Variants in SV2A observed in about 807,000 individuals in gnomAD.
The protein encoded by SV2A is solute carrier family 22 member B1.
A neutral mutation model predicts 78.0 loss-of-function variants in SV2A; 25 were observed. The ratio of observed to expected loss-of-function variants is 0.32; its 90% CI spans 0.23 to 0.45. SV2A has a LOEUF of 0.45. Ranked by LOEUF, SV2A falls within the 20% of genes least tolerant of loss-of-function variation. The pLI is 1.00. For missense variants in SV2A, 752 were observed against 971.5 expected, an observed-to-expected ratio of 0.77 and a Z score of 3.00; for synonymous variants, 355 against 384.7, an observed-to-expected ratio of 0.92 and a Z score of 0.90.
rs1553763652 is a variant in SV2A at position 149,910,911 on chromosome 1, C to T, written c.870G>A (p.Gly290=). ...ACATGCAGAGCCAGCTCAAATGCTCCCCTCGTTTCTCCTGGGCCAGAAACT... is the reference window on the plus strand; with the variant it reads ...ACATGCAGAGCCAGCTCAAATGCTCTCCTCGTTTCTCCTGGGCCAGAAACT... ...FSEFLAQEKR[G]EHLSWLCMFW... The change falls in exon 4 of 13, where the codon GGG becomes GGA. Residue 290 remains glycine, a synonymous_variant. Transcript: ENST00000369146. The surrounding 1 kb of genome is among the most constrained non-coding windows in gnomAD (Gnocchi z 4.2). The T allele has an allele frequency of 1.2e-6, 2 of 1,614,240 alleles. No individual in the cohort carries two copies. The highest frequency in any genetic ancestry group is 2.7e-5 in the African/African-American group (2 of 75,062).
intron 1 of SV2A, among the ~76,000 whole-genome samples, chr1:149,914,824 C>T (rs1430797843): frequency 6.6e-6 from 1 of 152,092 alleles, no homozygotes. Context: ...AAGTAAGGGT[C>T]GAATGATATA....
At position 149,906,669 on chromosome 1, in the gene SV2A, G is replaced by T. The variant is rs587611101; in HGVS notation, c.1866C>A (p.Ile622=). The stretch of plus-strand genomic sequence containing the variant: ...CCTTACCAAGCATTCTGAGCCTGCC[G>T]ATCTTGTCCATGAGCAGGGCAGACA... ...NIVSALLMDK[I]GRLRMLAGSS... The change falls in exon 11 of 13, where the codon ATC becomes ATA. Residue 622 remains isoleucine, a synonymous_variant. Coordinates refer to ENST00000369146, the MANE Select transcript of SV2A (RefSeq NM_014849.5). 1 of 1,614,014 alleles carries T rather than the reference G, an allele frequency of 6.2e-7. No homozygotes were observed. The highest frequency in any genetic ancestry group is 2.2e-5 in the East Asian group (1 of 44,900).
chr1:149,914,850 T>C (rs1361672282), intron 1 of SV2A, among the ~76,000 whole-genome samples: 1 of 152,210 alleles, frequency 6.6e-6, no homozygotes, highest in African/African-American at 2.4e-5. Context: ...TCTATGCTCC[T>C]TACCATAAGT....
Position 149,914,169 on chromosome 1 carries a change from T to G in SV2A, c.-329A>C. On this transcript the variant is annotated 5_prime_UTR_variant, in exon 2 of 13. Coordinates refer to ENST00000369146, the MANE Select transcript of SV2A (RefSeq NM_014849.5). Reference sequence around the variant, plus strand: ...CTCAGGAAGGGTCGCCTGCTTCTCTTCCACAAGCCTCTGGAGACCTAGAAA... The same window carrying G: ...CTCAGGAAGGGTCGCCTGCTTCTCTGCCACAAGCCTCTGGAGACCTAGAAA... 1 of 258,628 alleles carries G rather than the reference T, an allele frequency of 3.9e-6. No individual in the cohort carries two copies. The highest frequency in any genetic ancestry group is 7.4e-6 in the Non-Finnish European group (1 of 134,874). The allele number at this position is 258,628 out of a possible 1,614,324, so 16.0% of individuals were successfully genotyped here. A position where few individuals can be genotyped will look rare whatever the true frequency, so the allele number is the denominator to read the frequency against.
At position 149,903,714 on chromosome 1, in the gene SV2A, A is replaced by T. The variant is rs1450900611; in HGVS notation, c.*1300T>A. The T allele has an allele frequency of 6.6e-6, 1 of 152,490 alleles. No homozygotes were observed. The highest frequency in any genetic ancestry group is 1.5e-5 in the Non-Finnish European group (1 of 68,038). The allele number at this position is 152,490 out of a possible 1,614,324, so 9.4% of individuals were successfully genotyped here. ...ACATTTTTTTAAACATTTTACAAAC[A>T]TCTAAAAACTACAACACGTCACAGC... On this transcript the variant is annotated 3_prime_UTR_variant, in exon 13 of 13. Coordinates refer to ENST00000369146, the MANE Select transcript of SV2A (RefSeq NM_014849.5).
intron 1 of SV2A, among the ~76,000 whole-genome samples, chr1:149,915,205 A>T (rs781848174): frequency 6.6e-6 from 1 of 152,236 alleles, no homozygotes; most frequent in Non-Finnish European, 1.5e-5. Context: ...GTAATCTCAC[A>T]GTAGATACTC....
intron 6 of SV2A, 52 bp from the exon 7 acceptor site, chr1:149,909,623 C>A: frequency 6.4e-7 from 1 of 1,552,186 alleles, no homozygotes; most frequent in Non-Finnish European, 8.9e-7. Context: ...TTCCCAACAT[C>A]GGCCAGGCGC....
chr1:149,907,532 T>C (rs1233957533), intron 10 of SV2A, among the ~76,000 whole-genome samples, 168 bp downstream of exon 10: 1 of 152,184 alleles, frequency 6.6e-6, no homozygotes, highest in Non-Finnish European at 1.5e-5. Flanking sequence ...CCAACATCCA[T>C]TAGATTTTCA....
rs142084134 is a variant in SV2A, at chr1:149,910,361, G to A, written c.1089+209C>T. ...TCATCCATGGGTAAAGAGGTCCCCTGGTTTCTCCACCCAAGAACCCCTCAG... is the reference window on the plus strand; with the variant it reads ...TCATCCATGGGTAAAGAGGTCCCCTAGTTTCTCCACCCAAGAACCCCTCAG... On this transcript the variant is annotated intron_variant, in intron 5 of 12. Coordinates refer to ENST00000369146, the MANE Select transcript of SV2A (RefSeq NM_014849.5). The surrounding 1 kb of genome is among the most constrained non-coding windows in gnomAD (Gnocchi z 4.2). Among the ~76,000 whole-genome samples, 2 of 152,280 alleles carry A rather than the reference G, an allele frequency of 1.3e-5. No individual in the cohort carries two copies. Among genetic ancestry groups the A allele is most frequent in the African/African-American group, 4.8e-5 (2 of 41,548 alleles).
At chr1:149,917,468 G>A (rs2092522401) in intron 1 of SV2A, among the ~76,000 whole-genome samples, 1 of 152,112 alleles carries the variant, frequency 6.6e-6, no homozygotes, top group Non-Finnish European at 1.5e-5. Context: ...AGGGGATAGT[G>A]GGGACTTGGT....
Position 149,910,359 on chromosome 1 carries a change from CT to C in SV2A, c.1089+210del, listed in dbSNP as rs2092467792. On this transcript the variant is annotated intron_variant, in intron 5 of 12. Transcript: ENST00000369146. The surrounding 1 kb of genome is among the most constrained non-coding windows in gnomAD (Gnocchi z 4.2). ...AGTCATCCATGGGTAAAGAGGTCCC[CT>C]GGTTTCTCCACCCAAGAACCCCTCA... is the stretch of plus-strand genomic sequence containing the variant. Among the ~76,000 whole-genome samples, 1 of 152,230 alleles carries C rather than the reference CT, an allele frequency of 6.6e-6. No homozygotes were observed. Among genetic ancestry groups the C allele is most frequent in the Admixed American group, 6.5e-5 (1 of 15,284 alleles).
At chr1:149,906,323 A>G (rs1481337328) in intron 11 of SV2A, among the ~76,000 whole-genome samples, 3 of 152,322 alleles carry the variant, frequency 2.0e-5, no homozygotes, top group Admixed American at 6.5e-5. Flanking sequence ...TGACACAGGT[A>G]CTATTATCAC....
At chr1:149,909,107 C>T in intron 8 of SV2A, 85 bp downstream of exon 8, 1 of 1,356,806 alleles carries the variant, frequency 7.4e-7, no homozygotes, top group Non-Finnish European at 1.1e-6. Context: ...TCGCTTGTCC[C>T]CTGCATCTCC....
intron 10 of SV2A, among the ~76,000 whole-genome samples, chr1:149,907,236 A>G (rs2092444245): frequency 6.6e-6 from 1 of 152,234 alleles, no homozygotes; most frequent in Non-Finnish European, 1.5e-5. Flanking sequence ...CAACATGGAA[A>G]AAGCTCGCCC....
chr1:149,913,276 C>T lies in SV2A; in HGVS notation c.565G>A (p.Val189Met), dbSNP rs782021944. 3 of 1,614,102 alleles carry T rather than the reference C, an allele frequency of 1.9e-6. No homozygotes were observed. The highest frequency in any genetic ancestry group is 1.7e-6 in the Non-Finnish European group (2 of 1,180,006). ...ATGTCTTTCTCAGCGCTGGGCAGCA[C>T]GAAGCCCACCACAAAGACCTCCACA... ...DGVEVFVVGF[V>M]LPSAEKDMCL... The change falls in exon 2 of 13, where the codon GTG (valine) becomes ATG (methionine). Residue 189 changes from valine (V) to methionine (M), a missense_variant. Val to Met is a conservative substitution (Grantham distance 21). Around this residue, in one of 7 missense-constraint regions of SV2A, gnomAD observed 291 missense variants for 359.5 expected, o/e 0.81. Coordinates refer to ENST00000369146, the MANE Select transcript of SV2A (RefSeq NM_014849.5).
At position 149,904,369 on chromosome 1, in the gene SV2A, T is replaced by G. The variant is rs1283426266; in HGVS notation, c.*645A>C. The G allele has an allele frequency of 6.5e-6, 1 of 152,904 alleles. No homozygotes were observed. Among genetic ancestry groups the G allele is most frequent in the Non-Finnish European group, 1.5e-5 (1 of 68,242 alleles). The allele number at this position is 152,904 out of a possible 1,614,324, so 9.5% of individuals were successfully genotyped here. On this transcript the variant is annotated 3_prime_UTR_variant, in exon 13 of 13. Transcript: ENST00000369146. ...ACACATATGTAAGTATACATACACA[T>G]TCACACACAGTCCTGCGGAGCTGCC...
Position 149,909,504 on chromosome 1 carries a change from C to A in SV2A, c.1247G>T (p.Trp416Leu). 6.2e-7 allele frequency: 1 copy of A among 1,614,074 alleles called. No individual in the cohort carries two copies. Among genetic ancestry groups the A allele is most frequent in the Non-Finnish European group, 8.5e-7 (1 of 1,180,000 alleles). ...LIEIQSDTGT[W>L]YQRWGVRALS... ...GGCCCGGACCCCCCAGCGCTGGTACCAGGTCCCTGTGTCCGACTGGATCTC... is the reference window on the plus strand; with the variant it reads ...GGCCCGGACCCCCCAGCGCTGGTACAAGGTCCCTGTGTCCGACTGGATCTC... The change falls in exon 7 of 13, where the codon TGG becomes TTG. Residue 416 changes from tryptophan to leucine, a missense_variant. By Grantham distance (61) the Trp-to-Leu change is moderately conservative. Transcript: ENST00000369146.
chr1:149,908,945 C>T (rs77945114), intron 8 of SV2A, among the ~76,000 whole-genome samples: 1 of 152,128 alleles, frequency 6.6e-6, no homozygotes, highest in Non-Finnish European at 1.5e-5. Context: ...AAAACATAAA[C>T]TCCAGGAGGA....
chr1:149,910,889 T>C lies in SV2A; in HGVS notation c.892A>G (p.Met298Val). The change falls in exon 4 of 13, where the codon ATG becomes GTG. Residue 298 changes from methionine to valine, a missense_variant. Physicochemically the swap from Met to Val is conservative, Grantham distance 21. Transcript: ENST00000369146. This position sits in a 1 kb window ranked among gnomAD's most constrained non-coding sequence, Gnocchi z 4.2. ...KRGEHLSWLC[M>V]FWMIGGVYAA... is the part of the protein sequence containing the mutation. ...TACACGCCACCAATCATCCAAAACA[T>C]GCAGAGCCAGCTCAAATGCTCCCCT... The C allele has an allele frequency of 1.2e-6, 2 of 1,614,202 alleles. No individual in the cohort carries two copies. The highest frequency in any genetic ancestry group is 8.5e-7 in the Non-Finnish European group (1 of 1,180,028).
Sources: allele counts gnomAD v4.1 joint callset (sites outside exome capture counted in the v4.1 genomes callset), GRCh38; gene constraint gnomAD v4.1.1; regional missense constraint gnomAD v4.1.1; non-coding constraint Gnocchi (gnomAD v3.1); transcripts MANE v1.5; gene names NCBI Gene and HGNC (gene_info 2026-07-23, HGNC 2026-07-21).